The following EBF1 variants were observed in gnomAD, a reference collection of about 807,000 sequenced individuals.
EBF1 encodes the protein EBF transcription factor 1, also known as transcription factor COE1.
In EBF1, 10 loss-of-function variants were observed where a neutral mutation model predicts 68.4. That is an observed-to-expected ratio of 0.15 (90% CI 0.09 to 0.25). EBF1 has a LOEUF of 0.25. Among genes scored for constraint, EBF1 ranks in the 10% least tolerant of loss-of-function variants. The pLI is 1.00. For missense variants in EBF1, 509 were observed against 794.4 expected (o/e 0.64, Z 4.32); for synonymous variants, 298 against 299.8 (o/e 0.99, Z 0.06).
chr5:158,904,183 C>T (rs1345820316), intron 6 of EBF1, among the ~76,000 whole-genome samples: 1 of 152,102 alleles, frequency 6.6e-6, no homozygotes, highest in Non-Finnish European at 1.5e-5. Flanking sequence ...TCTGCCTGTG[C>T]CTTCTGGAGC....
intron 8 of EBF1, among the ~76,000 whole-genome samples, chr5:158,809,907 C>A (rs1179625315): frequency 1.3e-5 from 2 of 152,114 alleles, no homozygotes; most frequent in African/African-American, 2.4e-5. Context: ...AAAATAATAA[C>A]AATTTACTAA....
chr5:159,036,265 A>C (rs980056792), intron 6 of EBF1, among the ~76,000 whole-genome samples: 1 of 152,228 alleles, frequency 6.6e-6, no homozygotes. Flanking sequence ...ATCCCCATCA[A>C]GCTACCAAGG....
intron 6 of EBF1, among the ~76,000 whole-genome samples, chr5:158,956,479 G>A (rs945599376): frequency 8.7e-5 from 13 of 149,726 alleles, no homozygotes; most frequent in Admixed American, 2.7e-4. Context: ...ACACACACAC[G>A]CACACACACA....
intron 6 of EBF1, among the ~76,000 whole-genome samples, chr5:159,068,572 T>A (rs1777269904): frequency 6.6e-6 from 1 of 152,156 alleles, no homozygotes; most frequent in Non-Finnish European, 1.5e-5. Flanking sequence ...TACCACAGAA[T>A]TTACACCTCT....
intron 6 of EBF1, among the ~76,000 whole-genome samples, chr5:158,942,855 G>A (rs188748964): frequency 1.3e-5 from 2 of 148,162 alleles, no homozygotes; most frequent in African/African-American, 5.0e-5. Context: ...GGTCGAAGGA[G>A]GAGGAGGGGG....
intron 6 of EBF1, among the ~76,000 whole-genome samples, chr5:158,966,833 A>G (rs1754259784): frequency 6.6e-6 from 1 of 152,228 alleles, no homozygotes; most frequent in Admixed American, 6.5e-5. Flanking sequence ...TTTAATACAA[A>G]TAGCTGAAGG....
chr5:158,820,726 T>C (rs964670796), intron 8 of EBF1, among the ~76,000 whole-genome samples: 1 of 152,178 alleles, frequency 6.6e-6, no homozygotes, highest in South Asian at 2.1e-4. Context: ...TATAGTAATA[T>C]GGCCATCTGT....
chr5:159,088,324 G>A lies in EBF1; in HGVS notation c.412-3585C>T, dbSNP rs528671171. Among the ~76,000 whole-genome samples the A allele has an allele frequency of 6.6e-5, 10 of 152,184 alleles. No individual in the cohort carries two copies. The East Asian group carries it at 1.9e-3, about 29-fold the overall frequency. On this transcript the variant is annotated intron_variant, in intron 4 of 15. Transcript: ENST00000313708. Reference sequence around the variant, plus strand: ...ATAAGAATTTTCAAAATGCCCTAAAGTTCTCCCTGCAGCTTGCACACCCAA... The same window carrying A: ...ATAAGAATTTTCAAAATGCCCTAAAATTCTCCCTGCAGCTTGCACACCCAA...
intron 6 of EBF1, among the ~76,000 whole-genome samples, chr5:158,917,301 T>G (rs1023126069): frequency 3.9e-5 from 6 of 152,248 alleles, no homozygotes; most frequent in Admixed American, 3.9e-4. Flanking sequence ...TCCAGTTCCC[T>G]CATTCTTTCC....
At chr5:158,759,819 G>C (rs754775445) in intron 10 of EBF1, among the ~76,000 whole-genome samples, 3 of 151,918 alleles carry the variant, frequency 2.0e-5, no homozygotes, top group Admixed American at 6.6e-5. Context: ...TTGGGGGCAA[G>C]AACCTCACCT....
chr5:158,713,469 C>T (rs1759922447), intron 12 of EBF1, among the ~76,000 whole-genome samples: 1 of 152,208 alleles, frequency 6.6e-6, no homozygotes, highest in Non-Finnish European at 1.5e-5. Context: ...ACAGTCCATA[C>T]AGGACAGCAC....
At chr5:158,954,982 G>A (rs1336732971) in intron 6 of EBF1, among the ~76,000 whole-genome samples, 1 of 152,182 alleles carries the variant, frequency 6.6e-6, no homozygotes, top group East Asian at 1.9e-4. Flanking sequence ...GGAGTGTTAT[G>A]TGCCAAGCAT....
chr5:159,082,100 C>T (rs754278133), intron 5 of EBF1, among the ~76,000 whole-genome samples: 1 of 152,128 alleles, frequency 6.6e-6, no homozygotes, highest in Non-Finnish European at 1.5e-5. Flanking sequence ...TTTGCAACCA[C>T]CTGAGACACA....
intron 10 of EBF1, among the ~76,000 whole-genome samples, chr5:158,744,085 C>T (rs372633219): frequency 1.3e-5 from 2 of 151,666 alleles, no homozygotes; most frequent in African/African-American, 2.4e-5. Context: ...GCAGGAGAAT[C>T]GCTTGAATCT....
intron 6 of EBF1, among the ~76,000 whole-genome samples, chr5:158,960,598 TG>T (rs1271866897): frequency 1.3e-5 from 2 of 152,252 alleles, no homozygotes; most frequent in Non-Finnish European, 2.9e-5. Context: ...GGTTCTCTAA[TG>T]GTTTTTAAAT....
chr5:158,893,493 T>C (rs887368534), intron 6 of EBF1, among the ~76,000 whole-genome samples: 1 of 152,222 alleles, frequency 6.6e-6, no homozygotes, highest in Non-Finnish European at 1.5e-5. Flanking sequence ...GCAATCTTAC[T>C]TCTCTTGTAA....
At chr5:158,796,599 G>C (rs1013356819) in intron 8 of EBF1, 124 bp from the exon 9 acceptor site, 4 of 1,215,954 alleles carry the variant, frequency 3.3e-6, no homozygotes, top group Admixed American at 5.9e-5. Flanking sequence ...AGTCCCTCAA[G>C]ATCTCAGCAT....
intron 10 of EBF1, among the ~76,000 whole-genome samples, chr5:158,765,456 TAAAC>T (rs1772452799): frequency 6.6e-6 from 1 of 152,160 alleles, no homozygotes; most frequent in Non-Finnish European, 1.5e-5. Context: ...TTTTTGGCAT[TAAAC>T]AAAGATCTAA....
intron 6 of EBF1, among the ~76,000 whole-genome samples, chr5:159,042,888 A>C (rs1771522994): frequency 6.6e-6 from 1 of 152,002 alleles, no homozygotes; most frequent in Non-Finnish European, 1.5e-5. Flanking sequence ...AAAGTTAAAT[A>C]GGATGTCATG....
Sources: gnomAD v4.1 joint callset for allele counts (sites outside exome capture counted in the v4.1 genomes callset) on GRCh38, gnomAD v4.1.1 for gene constraint, MANE v1.5 for transcripts, NCBI Gene and HGNC (gene_info 2026-07-23, HGNC 2026-07-21) for gene names.